The following KHDRBS3 variants were observed in gnomAD, a reference collection of about 807,000 sequenced individuals.
KHDRBS3 encodes the protein KH domain-containing, RNA-binding, signal transduction-associated protein 3.
A neutral mutation model predicts 45.6 loss-of-function variants in KHDRBS3; 23 were observed. That is an observed-to-expected ratio of 0.50 (90% CI 0.36 to 0.72). The LOEUF (loss-of-function observed/expected upper bound fraction) is 0.72. Ranked by LOEUF, KHDRBS3 falls within the 30% of genes least tolerant of loss-of-function variation. KHDRBS3 has a pLI of 0.00. For synonymous variants in KHDRBS3, 162 were observed against 156.5 expected (o/e 1.04, Z -0.26); for missense variants, 352 against 424.8 (o/e 0.83, Z 1.51).
chr8:135,523,347 A>T (rs928804457), intron 2 of KHDRBS3, among the ~76,000 whole-genome samples: 1 of 152,294 alleles, frequency 6.6e-6, no homozygotes, highest in South Asian at 2.1e-4. Flanking sequence ...GTCTTTTGTT[A>T]AACTTATTCT....
chr8:135,476,357 T>C (rs892027409), intron 1 of KHDRBS3, among the ~76,000 whole-genome samples: 1 of 152,142 alleles, frequency 6.6e-6, no homozygotes, highest in Non-Finnish European at 1.5e-5. Flanking sequence ...TTGGTCAAGC[T>C]GGTCTTGAAC....
At chr8:135,555,261 G>A (rs2130822755) in intron 4 of KHDRBS3, among the ~76,000 whole-genome samples, 1 of 152,156 alleles carries the variant, frequency 6.6e-6, no homozygotes, top group East Asian at 1.9e-4. Flanking sequence ...CACTCCTTAT[G>A]TTTTCATCAA....
chr8:135,504,340 G>C (rs1823883866), intron 1 of KHDRBS3, among the ~76,000 whole-genome samples: 1 of 152,136 alleles, frequency 6.6e-6, no homozygotes, highest in Non-Finnish European at 1.5e-5. Flanking sequence ...CGGTCACTTA[G>C]GGCTATTTTT....
intron 5 of KHDRBS3, among the ~76,000 whole-genome samples, chr8:135,564,871 G>A (rs1827328033): frequency 6.6e-6 from 1 of 152,052 alleles, no homozygotes; most frequent in Non-Finnish European, 1.5e-5. Flanking sequence ...CCCAGGTTTG[G>A]CTGCTGGCTG....
chr8:135,459,595 G>A (rs1448762875), intron 1 of KHDRBS3, among the ~76,000 whole-genome samples: 2 of 152,188 alleles, frequency 1.3e-5, no homozygotes, highest in African/African-American at 4.8e-5. Context: ...CGTGGCATTG[G>A]AAATATTCTG....
chr8:135,632,253 A>G (rs562492230), intron 7 of KHDRBS3, among the ~76,000 whole-genome samples: 1 of 152,122 alleles, frequency 6.6e-6, no homozygotes. Context: ...ACACTTGATG[A>G]GGGAATCCGT....
intron 5 of KHDRBS3, among the ~76,000 whole-genome samples, chr8:135,561,777 TTGA>T (rs1827180694): frequency 6.6e-6 from 1 of 152,152 alleles, no homozygotes; most frequent in African/African-American, 2.4e-5. Flanking sequence ...GATGATGATC[TTGA>T]TGATCTTGAC....
chr8:135,567,447 T>A (rs1178587746), intron 5 of KHDRBS3, among the ~76,000 whole-genome samples: 1 of 152,202 alleles, frequency 6.6e-6, no homozygotes, highest in East Asian at 1.9e-4. Flanking sequence ...AACTCCAGTT[T>A]GGGTATTATA....
intron 5 of KHDRBS3, among the ~76,000 whole-genome samples, chr8:135,580,900 G>A (rs1828174355): frequency 6.6e-6 from 1 of 152,046 alleles, no homozygotes. Context: ...GGCCTGAGCC[G>A]TCACACCCGG....
At chr8:135,615,409 C>A (rs1170347437) in intron 7 of KHDRBS3, among the ~76,000 whole-genome samples, 1 of 152,084 alleles carries the variant, frequency 6.6e-6, no homozygotes, top group African/African-American at 2.4e-5. Flanking sequence ...TAATTTTAAC[C>A]TTAAAAGGTG....
In KHDRBS3 at chr8:135,565,845, A is replaced by G. The variant is rs79765380; in HGVS notation, c.611+8258A>G. ...CTCATTGGAAACACCATAAGAAGTC[A>G]CCTCATTCAGTTACCTTTCTTCAAG... On this transcript the variant is annotated intron_variant, in intron 5 of 8. Transcript: ENST00000355849. Among the ~76,000 whole-genome samples the G allele has an allele frequency of 5.8e-3, 890 of 152,252 alleles. 8 individuals carry two copies. The highest frequency in any genetic ancestry group is 0.02 in the African/African-American group (841 of 41,526).
intron 7 of KHDRBS3, among the ~76,000 whole-genome samples, chr8:135,613,401 A>G (rs1829783604): frequency 6.6e-6 from 1 of 151,754 alleles, no homozygotes; most frequent in Non-Finnish European, 1.5e-5. Context: ...GAACAGTGTA[A>G]AAAGATTCTC....
intron 1 of KHDRBS3, among the ~76,000 whole-genome samples, chr8:135,460,999 C>T (rs912229898): frequency 7.9e-5 from 12 of 152,140 alleles, no homozygotes; most frequent in African/African-American, 2.9e-4. Flanking sequence ...TTTTTCCAGA[C>T]TTGTGTTTCA....
At chr8:135,503,568 GT>G (rs971681017) in intron 1 of KHDRBS3, among the ~76,000 whole-genome samples, 42 of 143,682 alleles carry the variant, frequency 2.9e-4, no homozygotes, top group South Asian at 4.4e-4. Flanking sequence ...AAGTTTTTTT[GT>G]TTTTTTTTTT....
intron 1 of KHDRBS3, among the ~76,000 whole-genome samples, chr8:135,497,575 G>T (rs371515634): frequency 1.3e-5 from 2 of 151,986 alleles, no homozygotes; most frequent in Admixed American, 1.3e-4. Flanking sequence ...GCGTGAAGGG[G>T]GAGTCACAGG....
chr8:135,472,493 T>G (rs1293213157), intron 1 of KHDRBS3, among the ~76,000 whole-genome samples: 1 of 150,746 alleles, frequency 6.6e-6, no homozygotes, highest in African/African-American at 2.5e-5. Flanking sequence ...ACAAACTGTG[T>G]TTGTTGAATG....
chr8:135,494,903 C>T (rs533953382), intron 1 of KHDRBS3, among the ~76,000 whole-genome samples: 2 of 152,304 alleles, frequency 1.3e-5, no homozygotes, highest in South Asian at 2.1e-4. Flanking sequence ...GGGTTACTGA[C>T]CTTGCCCTGG....
At position 135,495,603 on chromosome 8, in the gene KHDRBS3, G is replaced by T. The variant is rs370269372; in HGVS notation, c.89-25634G>T. On this transcript the variant is annotated intron_variant, in intron 1 of 8. Transcript: ENST00000355849. ...TTACTCCCACTTCACCCTAGTGTCT[G>T]TTGGTCCTTTGCAACTTCTTATTTC... is the stretch of plus-strand genomic sequence containing the variant. 1.4e-4 allele frequency among the ~76,000 whole-genome samples: 21 copies of T among 152,326 alleles called. No individual in the cohort carries two copies. The East Asian group carries it at 4.1e-3, about 29-fold the overall frequency.
intron 1 of KHDRBS3, among the ~76,000 whole-genome samples, chr8:135,515,595 A>T (rs1824553285): frequency 6.6e-6 from 1 of 152,004 alleles, no homozygotes; most frequent in African/African-American, 2.4e-5. Context: ...GTTAAGAGCT[A>T]TCCACTAGTG....
Sources: allele counts gnomAD v4.1 joint callset (sites outside exome capture counted in the v4.1 genomes callset), GRCh38; gene constraint gnomAD v4.1.1; transcripts MANE v1.5; gene names NCBI Gene and HGNC (gene_info 2026-07-23, HGNC 2026-07-21).